The following CXorf58 variants were observed in gnomAD, a reference collection of about 807,000 sequenced individuals.
CXorf58 encodes chromosome X open reading frame 58.
Under a neutral mutation model 26.0 loss-of-function variants are expected in CXorf58, and 24 were observed. The ratio of observed to expected loss-of-function variants is 0.92; its 90% CI spans 0.67 to 1.30. CXorf58 has a LOEUF of 1.30. CXorf58 is among the 50% of genes most tolerant of loss of function. The pLI, the probability that CXorf58 is intolerant of heterozygous loss-of-function variation, is 0.00. For missense variants in CXorf58, 236 were observed against 263.9 expected (o/e 0.89, Z 0.73); for synonymous variants, 87 against 86.1 (o/e 1.01, Z -0.06).
chrX:23,911,435 T>C (rs1379977283), intron 2 of CXorf58, among the ~76,000 whole-genome samples: 2 of 111,885 alleles, frequency 1.8e-5, no homozygotes, highest in Non-Finnish European at 3.8e-5. Context: ...GGAAGTAAGC[T>C]TGTCTCCTCA....
At chrX:23,924,833 T>C (rs1221926907) in intron 5 of CXorf58, among the ~76,000 whole-genome samples, 2 of 111,296 alleles carry the variant, frequency 1.8e-5, no homozygotes, top group Non-Finnish European at 3.8e-5. Context: ...AAGGGAAATA[T>C]TTATGGTTAT....
chrX:23,911,556 C>T (rs760941435), intron 2 of CXorf58, among the ~76,000 whole-genome samples: 1 of 110,196 alleles, frequency 9.1e-6, no homozygotes, highest in South Asian at 3.8e-4. Flanking sequence ...AGGGAAATCT[C>T]CTCAAGTATT....
Position 23,939,014 on chromosome X carries a change from G to A in CXorf58, c.940-230G>A, listed in dbSNP as rs1928360647. Reference sequence around the variant, plus strand: ...CTCTGATGGTGGTTTTTTCAAAATGGAAGTCATTTCTATCTAAACTTATTA... The same window carrying A: ...CTCTGATGGTGGTTTTTTCAAAATGAAAGTCATTTCTATCTAAACTTATTA... On this transcript the variant is annotated intron_variant, in intron 8 of 8. Coordinates refer to ENST00000379211, the MANE Select transcript of CXorf58 (RefSeq NM_152761.3). 3.6e-5 allele frequency among the ~76,000 whole-genome samples: 4 copies of A among 111,576 alleles called. No homozygotes were observed. In the South Asian group the frequency reaches 1.5e-3, roughly 40 times the overall value.
At chrX:23,918,256 A>T (rs910149715) in intron 5 of CXorf58, among the ~76,000 whole-genome samples, 5 of 109,007 alleles carry the variant, frequency 4.6e-5, no homozygotes, top group Non-Finnish European at 7.7e-5. Flanking sequence ...CCTTCCTTTT[A>T]GTGAAGGTGA....
intron 7 of CXorf58, among the ~76,000 whole-genome samples, chrX:23,937,633 C>G (rs1448733771): frequency 9.1e-6 from 1 of 109,871 alleles, no homozygotes; most frequent in African/African-American, 3.3e-5. Context: ...CCATGCTGGT[C>G]AGGCTGGTCT....
At chrX:23,928,765 A>G (rs964193833) in intron 6 of CXorf58, among the ~76,000 whole-genome samples, 2 of 110,901 alleles carry the variant, frequency 1.8e-5, no homozygotes, top group African/African-American at 6.6e-5. Context: ...TGCTCCACCA[A>G]CCAGCCATTC....
Position 23,939,489 on chromosome X carries a change from A to G in CXorf58, c.*186A>G. ...CTATAAATAATGAGTATGTGTAATA[A>G]AGGAAAATAACATAGAATAAGTCCT... On this transcript the variant is annotated 3_prime_UTR_variant, in exon 9 of 9. Coordinates refer to ENST00000379211, the MANE Select transcript of CXorf58 (RefSeq NM_152761.3). 2 of 360,820 alleles carry G rather than the reference A, an allele frequency of 5.5e-6. No individual in the cohort carries two copies. The highest frequency in any genetic ancestry group is 9.7e-6 in the Non-Finnish European group (2 of 206,005). The allele number at this position is 360,820 out of a possible 1,213,427, so 29.7% of individuals were successfully genotyped here.
intron 1 of CXorf58, among the ~76,000 whole-genome samples, chrX:23,909,484 T>A (rs1458301875): frequency 8.9e-6 from 1 of 112,097 alleles, no homozygotes; most frequent in Non-Finnish European, 1.9e-5. Context: ...GAAGACACAT[T>A]TACTATAATT....
intron 2 of CXorf58, among the ~76,000 whole-genome samples, 176 bp from the exon 3 acceptor site, chrX:23,911,581 T>C (rs1338187983): frequency 9.0e-6 from 1 of 111,098 alleles, no homozygotes; most frequent in Non-Finnish European, 1.9e-5. Context: ...ATCCTCATTC[T>C]GAGTAGATTC....
At chrX:23,916,435 GC>G (rs1927724714) in intron 5 of CXorf58, 107 bp downstream of exon 5, 1 of 426,451 alleles carries the variant, frequency 2.3e-6, no homozygotes, top group African/African-American at 2.8e-5. Context: ...CCATGAAACA[GC>G]CCACCAGGTA....
At position 23,935,438 on chromosome X, in the gene CXorf58, C is replaced by T. The variant is rs771360225; in HGVS notation, c.785+13C>T. Reference sequence around the variant, plus strand: ...TTTCTGAAATTAGGTAAAACAGATTCTTCACTGGGGTTACAATACTAGGGG... The same window carrying T: ...TTTCTGAAATTAGGTAAAACAGATTTTTCACTGGGGTTACAATACTAGGGG... On this transcript the variant is annotated intron_variant, in intron 7 of 8. Coordinates refer to ENST00000379211, the MANE Select transcript of CXorf58 (RefSeq NM_152761.3). 6.4e-6 allele frequency: 7 copies of T among 1,089,184 alleles called. No individual in the cohort carries two copies. Among genetic ancestry groups the T allele is most frequent in the Non-Finnish European group, 8.9e-6 (7 of 786,760 alleles). The allele number at this position is 1,089,184 out of a possible 1,213,427, so 89.8% of individuals were successfully genotyped here. A position where few individuals can be genotyped will look rare whatever the true frequency, so the allele number is the denominator to read the frequency against.
At chrX:23,913,936 C>G (rs1463617367) in intron 3 of CXorf58, among the ~76,000 whole-genome samples, 6 of 110,686 alleles carry the variant, frequency 5.4e-5, no homozygotes, top group Non-Finnish European at 9.5e-5. Context: ...GGTCTATTAT[C>G]CATTGTCTTT....
chrX:23,923,347 G>A (rs949099763), intron 5 of CXorf58, among the ~76,000 whole-genome samples: 1 of 110,546 alleles, frequency 9.0e-6, no homozygotes, highest in African/African-American at 3.3e-5. Context: ...TGGTGGTGGT[G>A]GCTGAGTGGG....
chrX:23,911,255 T>G (rs1351880938), intron 2 of CXorf58, among the ~76,000 whole-genome samples: 1 of 111,075 alleles, frequency 9.0e-6, no homozygotes, highest in African/African-American at 3.3e-5. Context: ...CGACTTGACC[T>G]GGATGAGCCT....
At chrX:23,912,707 A>G (rs1927615676) in intron 3 of CXorf58, among the ~76,000 whole-genome samples, 1 of 111,551 alleles carries the variant, frequency 9.0e-6, no homozygotes, top group Admixed American at 9.6e-5. Flanking sequence ...TTGCGCCACT[A>G]CATTCCAGCC....
intron 6 of CXorf58, among the ~76,000 whole-genome samples, chrX:23,931,331 T>G (rs184244739): frequency 9.8e-5 from 11 of 112,247 alleles, no homozygotes; most frequent in Admixed American, 9.5e-4. Context: ...AAGAGAGAGA[T>G]AAGATCATTG....
chrX:23,928,326 A>G (rs1230822446), intron 6 of CXorf58, among the ~76,000 whole-genome samples: 2 of 110,719 alleles, frequency 1.8e-5, no homozygotes, highest in Non-Finnish European at 3.8e-5. Context: ...GATTACAGGC[A>G]TGTGCCACCA....
rs144578801 is a variant in CXorf58, at chrX:23,935,339, T to C, written c.699T>C (p.Arg233=). Residue 233 remains arginine (R), a synonymous_variant, in exon 7 of 9, where the codon CGT becomes CGC. Coordinates refer to ENST00000379211, the MANE Select transcript of CXorf58 (RefSeq NM_152761.3). ...HYSESGVISN[R]LRNEMKFLLQ... is the part of the protein sequence containing the mutation. ...CAGAGTCTGGAGTGATCTCAAACCG[T>C]CTACGAAATGAAATGAAGTTTCTGT... The C allele has an allele frequency of 3.9e-5, 47 of 1,208,376 alleles. No homozygotes were observed. The African/African-American group carries it at 7.5e-4, about 19-fold the overall frequency.
intron 6 of CXorf58, among the ~76,000 whole-genome samples, chrX:23,928,808 A>C (rs1298106805): frequency 9.0e-6 from 1 of 110,533 alleles, no homozygotes; most frequent in Admixed American, 9.8e-5. Context: ...TGGTCTCTCT[A>C]TTTTCTGAGA....
Sources: allele counts gnomAD v4.1 joint callset (sites outside exome capture counted in the v4.1 genomes callset), GRCh38; gene constraint gnomAD v4.1.1; transcripts MANE v1.5; gene names NCBI Gene and HGNC (gene_info 2026-07-23, HGNC 2026-07-21).